Variants in KCTD16 observed in about 807,000 individuals in gnomAD.
The protein encoded by KCTD16 is potassium channel tetramerization domain containing 16.
In KCTD16, 13 loss-of-function variants were observed where a neutral mutation model predicts 33.2. The observed-to-expected ratio is 0.39, with a 90% CI of 0.25 to 0.62. The LOEUF (loss-of-function observed/expected upper bound fraction) is 0.62, where lower values mean the gene tolerates loss of function less well. Among genes scored for constraint, KCTD16 ranks in the 20% least tolerant of loss-of-function variants. The probability of loss-of-function intolerance (pLI) is 0.50; values close to 1 mark genes in which losing one functional copy is unlikely to be tolerated. For synonymous variants in KCTD16, 197 were observed against 195.3 expected (o/e 1.01, Z -0.07); for missense variants, 441 against 525.1 (o/e 0.84, Z 1.57).
rs148231686 is a variant in KCTD16, at chr5:144,458,000, G to A, written c.833-15660G>A. Among the ~76,000 whole-genome samples, 46 of 152,326 alleles carry A rather than the reference G, an allele frequency of 3.0e-4. No homozygotes were observed. The East Asian group carries it at 8.7e-3, about 29-fold the overall frequency. ...CATTTTCTGACACACGGGGTAGTCA[G>A]AGGAATTTCCATTTCACATTTTATG... On this transcript the variant is annotated intron_variant, in intron 3 of 3. Coordinates refer to ENST00000512467, the MANE Select transcript of KCTD16 (RefSeq NM_020768.4).
At chr5:144,172,920 A>C (rs1752425751) in intron 1 of KCTD16, among the ~76,000 whole-genome samples, 1 of 152,230 alleles carries the variant, frequency 6.6e-6, no homozygotes, top group South Asian at 2.1e-4. Context: ...TGAATCAAAA[A>C]GGATATCCCT....
chr5:144,418,091 T>G (rs932545722), intron 3 of KCTD16, among the ~76,000 whole-genome samples: 3 of 151,858 alleles, frequency 2.0e-5, no homozygotes, highest in Non-Finnish European at 4.4e-5. Context: ...GTGTCTGGAG[T>G]TGTTCGTTCC....
intron 3 of KCTD16, among the ~76,000 whole-genome samples, chr5:144,258,323 A>T (rs1014905156): frequency 4.0e-5 from 6 of 151,880 alleles, no homozygotes; most frequent in African/African-American, 1.4e-4. Flanking sequence ...ATAGTATAGT[A>T]ATAATAATCA....
chr5:144,197,698 T>G (rs1752965053), intron 2 of KCTD16, among the ~76,000 whole-genome samples: 1 of 152,198 alleles, frequency 6.6e-6, no homozygotes, highest in South Asian at 2.1e-4. Flanking sequence ...TTGGGTGTAG[T>G]GAAAAAGGAC....
At chr5:144,346,503 C>T (rs950672470) in intron 3 of KCTD16, among the ~76,000 whole-genome samples, 45 of 152,218 alleles carry the variant, frequency 3.0e-4, no homozygotes, top group African/African-American at 1.1e-3. Context: ...CCCTTTTCTC[C>T]ACATCCTCGC....
intron 2 of KCTD16, among the ~76,000 whole-genome samples, chr5:144,179,349 T>TC (rs1752570995): frequency 6.6e-6 from 1 of 152,100 alleles, no homozygotes; most frequent in Non-Finnish European, 1.5e-5. Context: ...GCAAATTACA[T>TC]CCCCCTCCCC....
intron 3 of KCTD16, among the ~76,000 whole-genome samples, chr5:144,320,924 C>T (rs958954705): frequency 4.6e-5 from 7 of 152,076 alleles, no homozygotes; most frequent in East Asian, 1.9e-4. Flanking sequence ...GGCGTGATCT[C>T]GGCTTACTGC....
At chr5:144,268,881 A>G (rs898215716) in intron 3 of KCTD16, among the ~76,000 whole-genome samples, 5 of 152,194 alleles carry the variant, frequency 3.3e-5, no homozygotes, top group African/African-American at 9.6e-5. Context: ...TGAAAATATC[A>G]ATAAAGATAA....
At chr5:144,173,069 G>T (rs184252934) in intron 1 of KCTD16, among the ~76,000 whole-genome samples, 2 of 152,310 alleles carry the variant, frequency 1.3e-5, no homozygotes, top group East Asian at 3.9e-4. Context: ...AGGACAGTGT[G>T]GCGAATCCTC....
rs1343408572 is a variant in KCTD16 at position 144,478,900 on chromosome 5, C to G, written c.*4786C>G. 6.6e-6 allele frequency: 1 copy of G among 151,828 alleles called. No individual in the cohort carries two copies. The highest frequency in any genetic ancestry group is 1.5e-5 in the Non-Finnish European group (1 of 67,880). The allele number at this position is 151,828 out of a possible 1,614,324, so 9.4% of individuals were successfully genotyped here. On this transcript the variant is annotated 3_prime_UTR_variant, in exon 4 of 4. Coordinates refer to ENST00000512467, the MANE Select transcript of KCTD16 (RefSeq NM_020768.4). ...CTGTCTGTCAACCATAACCCTTTCT[C>G]CATATTGTGTGTGTATGTGTATGTG...
chr5:144,236,908 A>G (rs1754269042), intron 3 of KCTD16, among the ~76,000 whole-genome samples: 1 of 152,194 alleles, frequency 6.6e-6, no homozygotes, highest in Middle Eastern at 3.4e-3. Flanking sequence ...AGGATTTATC[A>G]TATTGGCAAT....
intron 3 of KCTD16, among the ~76,000 whole-genome samples, chr5:144,398,286 C>T (rs1054552490): frequency 6.6e-6 from 1 of 152,104 alleles, no homozygotes; most frequent in African/African-American, 2.4e-5. Context: ...TTCATATTTA[C>T]CATTAAAATG....
rs530473338 is a variant in KCTD16 at position 144,475,119 on chromosome 5, C to T, written c.*1005C>T. ...AATGGTGTGGCCTTTCCACATAATC[C>T]ACATTAAGTTCTGTGTTCCTGTGTT... On this transcript the variant is annotated 3_prime_UTR_variant, in exon 4 of 4. Transcript: ENST00000512467. The T allele has an allele frequency of 6.6e-6, 1 of 152,314 alleles. No homozygotes were observed. The highest frequency in any genetic ancestry group is 1.9e-4 in the East Asian group (1 of 5,182). 9.4% of individuals were successfully genotyped at this position (152,314 alleles called of 1,614,324 possible).
intron 3 of KCTD16, among the ~76,000 whole-genome samples, chr5:144,412,889 CA>C (rs1362417329): frequency 6.6e-6 from 1 of 151,990 alleles, no homozygotes; most frequent in Non-Finnish European, 1.5e-5. Flanking sequence ...GACCCTGTCT[CA>C]AATAAATAAA....
chr5:144,326,289 G>A (rs183421729), intron 3 of KCTD16, among the ~76,000 whole-genome samples: 1 of 152,262 alleles, frequency 6.6e-6, no homozygotes, highest in Admixed American at 6.5e-5. Flanking sequence ...GAAGTAAATT[G>A]ACTGAGAGGG....
At chr5:144,203,652 C>T (rs964138165) in intron 2 of KCTD16, among the ~76,000 whole-genome samples, 3 of 152,186 alleles carry the variant, frequency 2.0e-5, no homozygotes, top group Non-Finnish European at 2.9e-5. Flanking sequence ...TGTTTTCATA[C>T]CTGAGCTCCA....
chr5:144,290,895 A>T (rs1475980912), intron 3 of KCTD16, among the ~76,000 whole-genome samples: 1 of 152,206 alleles, frequency 6.6e-6, no homozygotes, highest in Non-Finnish European at 1.5e-5. Flanking sequence ...AGTTATACAG[A>T]ATTATAAGGA....
chr5:144,221,290 T>C (rs1753740533), intron 3 of KCTD16, among the ~76,000 whole-genome samples: 1 of 152,212 alleles, frequency 6.6e-6, no homozygotes, highest in Admixed American at 6.5e-5. Context: ...TATTATACTT[T>C]AAGTTCTGGG....
Position 144,446,860 on chromosome 5 carries a change from C to T in KCTD16, c.833-26800C>T, listed in dbSNP as rs1415491127. Among the ~76,000 whole-genome samples the T allele has an allele frequency of 2.0e-5, 3 of 152,118 alleles. No homozygotes were observed. In the East Asian group the frequency reaches 5.8e-4, roughly 29 times the overall value. On this transcript the variant is annotated intron_variant, in intron 3 of 3. Coordinates refer to ENST00000512467, the MANE Select transcript of KCTD16 (RefSeq NM_020768.4). ...TGCAAATCAAAACCACAATGAGATA[C>T]TATCTCGTGCCAGTTAGAATGGCGA...
Sources: allele counts gnomAD v4.1 joint callset (sites outside exome capture counted in the v4.1 genomes callset), GRCh38; gene constraint gnomAD v4.1.1; transcripts MANE v1.5; gene names NCBI Gene and HGNC (gene_info 2026-07-23, HGNC 2026-07-21).